Variants in CTNNA3 observed in about 807,000 individuals in gnomAD.
CTNNA3 encodes the protein catenin alpha-3.
Under a neutral mutation model 95.7 loss-of-function variants are expected in CTNNA3, and 76 were observed. The observed-to-expected ratio is 0.79, with a 90% CI of 0.66 to 0.96. The LOEUF (loss-of-function observed/expected upper bound fraction) is 0.96, where lower values mean the gene tolerates loss of function less well. CTNNA3 is among the 40% of genes least tolerant of loss of function. The pLI is 0.00. For synonymous variants in CTNNA3, 431 were observed against 374.4 expected (o/e 1.15, Z -1.74); for missense variants, 1,191 against 1,089.8 (o/e 1.09, Z -1.31).
intron 11 of CTNNA3, among the ~76,000 whole-genome samples, chr10:66,443,058 G>A (rs1466344806): frequency 2.6e-5 from 4 of 152,126 alleles, no homozygotes; most frequent in Non-Finnish European, 5.9e-5. Flanking sequence ...CTCACTGATT[G>A]CTAGCACGGC....
intron 4 of CTNNA3, among the ~76,000 whole-genome samples, chr10:67,527,091 T>C (rs1314947600): frequency 1.3e-5 from 2 of 152,094 alleles, no homozygotes; most frequent in African/African-American, 4.8e-5. Flanking sequence ...ATCCCATCTT[T>C]ATTAAAAATA....
chr10:67,189,670 C>G (rs753429419), intron 6 of CTNNA3, among the ~76,000 whole-genome samples: 27 of 150,920 alleles, frequency 1.8e-4, no homozygotes, highest in Non-Finnish European at 1.8e-4. Flanking sequence ...TTTATGTTAT[C>G]AAGTCTTCCT....
intron 10 of CTNNA3, among the ~76,000 whole-genome samples, chr10:66,599,412 A>G (rs1165502883): frequency 6.6e-6 from 1 of 152,010 alleles, no homozygotes; most frequent in Non-Finnish European, 1.5e-5. Context: ...ATGCTGACAG[A>G]CAGTTTTGCA....
intron 5 of CTNNA3, among the ~76,000 whole-genome samples, chr10:67,277,560 C>A (rs1373785096): frequency 6.6e-6 from 1 of 152,028 alleles, no homozygotes; most frequent in Non-Finnish European, 1.5e-5. Flanking sequence ...CTGAGACCTA[C>A]TAGGCTGCAT....
chr10:66,880,429 G>A (rs61520806), intron 7 of CTNNA3, among the ~76,000 whole-genome samples: 4,437 of 152,142 alleles, frequency 0.029, 108 homozygotes, highest in African/African-American at 0.065. Flanking sequence ...GACTTTGCAC[G>A]AGCAAAAACT....
Position 66,992,858 on chromosome 10 carries a change from G to C in CTNNA3, c.1047+187459C>G, listed in dbSNP as rs540827982. Among the ~76,000 whole-genome samples the C allele has an allele frequency of 2.2e-4, 34 of 152,116 alleles. No individual in the cohort carries two copies. The South Asian group carries it at 6.6e-3, about 30-fold the overall frequency. ...TTTAGTGATACAACAAGGCTTTTAT[G>C]AGTGAGGACTGCTTTGAGGCTTTGT... On this transcript the variant is annotated intron_variant, in intron 7 of 17. Coordinates refer to ENST00000433211, the MANE Select transcript of CTNNA3 (RefSeq NM_013266.4).
At chr10:67,030,832 C>T (rs560884804) in intron 7 of CTNNA3, among the ~76,000 whole-genome samples, 40 of 152,056 alleles carry the variant, frequency 2.6e-4, no homozygotes, top group African/African-American at 9.2e-4. Flanking sequence ...GGTGAAACCC[C>T]GTCTCTACTA....
chr10:66,215,010 G>C (rs2088427144), intron 13 of CTNNA3, among the ~76,000 whole-genome samples: 2 of 152,088 alleles, frequency 1.3e-5, no homozygotes, highest in African/African-American at 2.4e-5. Flanking sequence ...TGCATAGATA[G>C]ATAGATATGC....
intron 17 of CTNNA3, among the ~76,000 whole-genome samples, chr10:65,930,093 TACAC>T (rs1232381134): frequency 6.7e-6 from 1 of 150,010 alleles, no homozygotes; most frequent in East Asian, 2.0e-4. Context: ...CACCTGTACT[TACAC>T]ACACATAAGT....
chr10:67,299,731 G>T (rs1164475301), intron 5 of CTNNA3, among the ~76,000 whole-genome samples: 1 of 152,210 alleles, frequency 6.6e-6, no homozygotes, highest in South Asian at 2.1e-4. Context: ...TTTAGAGATG[G>T]CTTGGAAAAA....
chr10:66,213,165 G>A (rs2088280823), intron 13 of CTNNA3, among the ~76,000 whole-genome samples: 1 of 151,920 alleles, frequency 6.6e-6, no homozygotes, highest in Non-Finnish European at 1.5e-5. Context: ...TAATTTAAAG[G>A]TATTTTCTTT....
chr10:66,478,747 T>C (rs2131894605), intron 11 of CTNNA3, among the ~76,000 whole-genome samples: 1 of 151,974 alleles, frequency 6.6e-6, no homozygotes, highest in Non-Finnish European at 1.5e-5. Flanking sequence ...GAAATATCTA[T>C]GTCATTTTAT....
intron 13 of CTNNA3, among the ~76,000 whole-genome samples, chr10:66,169,735 T>C (rs2085319455): frequency 6.6e-6 from 1 of 152,236 alleles, no homozygotes; most frequent in Non-Finnish European, 1.5e-5. Context: ...TAAGATGGTA[T>C]TGCATTATGG....
chr10:67,642,278 A>G (rs1313371919), intron 2 of CTNNA3, among the ~76,000 whole-genome samples: 1 of 152,180 alleles, frequency 6.6e-6, no homozygotes, highest in Non-Finnish European at 1.5e-5. Flanking sequence ...AATTTTTGCA[A>G]TCTATTCATC....
At chr10:66,118,365 C>CT (rs1349037812) in intron 13 of CTNNA3, 1 of 152,170 alleles carries the variant, frequency 6.6e-6, no homozygotes, top group Admixed American at 6.5e-5. Context: ...CCTACTCAAG[C>CT]TATCTCTTGA....
intron 10 of CTNNA3, among the ~76,000 whole-genome samples, chr10:66,617,064 G>A (rs570652776): frequency 6.6e-6 from 1 of 151,962 alleles, no homozygotes; most frequent in South Asian, 2.1e-4. Flanking sequence ...ATTTCTGCTA[G>A]GTACAGGGGA....
chr10:65,961,776 A>G (rs968147077), intron 17 of CTNNA3, among the ~76,000 whole-genome samples: 4 of 151,808 alleles, frequency 2.6e-5, no homozygotes, highest in Non-Finnish European at 5.9e-5. Flanking sequence ...AAAAATTAGT[A>G]TTTGAAAGGG....
intron 7 of CTNNA3, among the ~76,000 whole-genome samples, chr10:67,175,315 T>C (rs1862190274): frequency 6.6e-6 from 1 of 152,170 alleles, no homozygotes; most frequent in Admixed American, 6.6e-5. Flanking sequence ...TAATTAAGGC[T>C]GGAATTATTT....
In CTNNA3 at chr10:66,191,243, T is replaced by C. The variant is rs142155365; in HGVS notation, c.1885-87994A>G. Among the ~76,000 whole-genome samples, 680 of 152,266 alleles carry C rather than the reference T, an allele frequency of 4.5e-3. 2 individuals carry two copies. The highest frequency in any genetic ancestry group is 0.016 in the African/African-American group (664 of 41,562). On this transcript the variant is annotated intron_variant, in intron 13 of 17. Transcript: ENST00000433211. ...GAAGAGAGATTCTAGGTTCTTGGCT[T>C]CTTAACACTTTGGAACAGAAATAAG...
Sources: allele counts gnomAD v4.1 joint callset (sites outside exome capture counted in the v4.1 genomes callset), GRCh38; gene constraint gnomAD v4.1.1; transcripts MANE v1.5; gene names NCBI Gene and HGNC (gene_info 2026-07-23, HGNC 2026-07-21).